SYT16: variants seen among roughly 807,000 people sequenced by gnomAD.
SYT16 encodes the protein synaptotagmin-16.
SYT16 carries 42 observed loss-of-function variants against 61.4 expected under a neutral mutation model. That is an observed-to-expected ratio of 0.68 (90% confidence interval 0.53 to 0.89). The LOEUF (loss-of-function observed/expected upper bound fraction) is 0.89. SYT16 is among the 40% of genes least tolerant of loss of function. The pLI is 0.00. For synonymous variants in SYT16, 314 were observed against 302.3 expected, an observed-to-expected ratio of 1.04 and a Z score of -0.40; for missense variants, 804 against 807.3, an observed-to-expected ratio of 1.00 and a Z score of 0.05.
At chr14:62,096,885 G>A (rs2057291522) in intron 7 of SYT16, among the ~76,000 whole-genome samples, 1 of 152,000 alleles carries the variant, frequency 6.6e-6, no homozygotes, top group African/African-American at 2.4e-5. Flanking sequence ...CAGTTTGTGT[G>A]ATTTTTTTAT....
At chr14:61,968,696 A>G (rs974183396) in intron 1 of SYT16, among the ~76,000 whole-genome samples, 2 of 152,166 alleles carry the variant, frequency 1.3e-5, no homozygotes, top group African/African-American at 4.8e-5. Context: ...TTCTCCTTTT[A>G]TAGTTTAGCA....
At chr14:61,876,130 C>T (rs1454013474) in intron 1 of SYT16, among the ~76,000 whole-genome samples, 1 of 152,126 alleles carries the variant, frequency 6.6e-6, no homozygotes, top group East Asian at 1.9e-4. Context: ...ATATTTATTT[C>T]AATAGGGCAT....
chr14:61,913,733 T>TGTGTGTGTGTGTGTGA, intron 1 of SYT16, among the ~76,000 whole-genome samples: 1 of 151,650 alleles, frequency 6.6e-6, no homozygotes, highest in East Asian at 1.9e-4. Context: ...TGTGTGTGTG[T>TGTGTGTGTGTGTGTGA]GAAATAAAAC....
intron 3 of SYT16, among the ~76,000 whole-genome samples, chr14:62,034,330 AC>A (rs2054422756): frequency 6.6e-6 from 1 of 152,180 alleles, no homozygotes; most frequent in African/African-American, 2.4e-5. Context: ...TTACCATAGA[AC>A]CCAGCAGTGC....
intron 1 of SYT16, among the ~76,000 whole-genome samples, chr14:61,846,028 C>T (rs2046437857): frequency 6.6e-6 from 1 of 152,114 alleles, no homozygotes. Context: ...AGAGAAGATG[C>T]TTGATATTAT....
intron 1 of SYT16, among the ~76,000 whole-genome samples, chr14:61,923,099 T>C (rs1218570289): frequency 6.6e-6 from 1 of 152,028 alleles, no homozygotes; most frequent in Non-Finnish European, 1.5e-5. Context: ...CTATTCTTTC[T>C]GCTCATTATG....
Position 62,080,932 on chromosome 14 carries a change from C to G in SYT16, c.1092C>G (p.Ser364Arg). 1 of 1,610,216 alleles carries G rather than the reference C, an allele frequency of 6.2e-7. No individual in the cohort carries two copies. The highest frequency in any genetic ancestry group is 8.5e-7 in the Non-Finnish European group (1 of 1,178,234). Reference protein sequence around the residue: ...LDVIFEYRAASQKLTVTIVRA... With the variant: ...LDVIFEYRAARQKLTVTIVRA... ...TCATCTTTGAATATAGAGCCGCCAG[C>G]CAGAAGCTCACAGTGACCATTGTGA... Residue 364 changes from serine to arginine, a missense_variant, in exon 6 of 8, where the codon AGC becomes AGG. Transcript: ENST00000683842.
At chr14:61,877,838 G>A (rs567594008) in intron 1 of SYT16, among the ~76,000 whole-genome samples, 1 of 152,314 alleles carries the variant, frequency 6.6e-6, no homozygotes, top group African/African-American at 2.4e-5. Context: ...GTAGTTGGGT[G>A]GAAACATGCT....
At chr14:61,823,294 T>C (rs2045671462) in intron 1 of SYT16, among the ~76,000 whole-genome samples, 1 of 152,030 alleles carries the variant, frequency 6.6e-6, no homozygotes, top group African/African-American at 2.4e-5. Flanking sequence ...CCTGGCCTAT[T>C]TTTTTATTTT....
chr14:62,058,570 G>C (rs1057483418), intron 3 of SYT16, among the ~76,000 whole-genome samples: 3 of 151,932 alleles, frequency 2.0e-5, no homozygotes, highest in African/African-American at 7.3e-5. Context: ...TCACCATGCT[G>C]GCCAGGCTGG....
intron 1 of SYT16, among the ~76,000 whole-genome samples, chr14:61,881,941 A>C (rs2047714980): frequency 6.6e-6 from 1 of 152,150 alleles, no homozygotes; most frequent in South Asian, 2.1e-4. Flanking sequence ...ATGATTTCTG[A>C]CCATGCTACT....
chr14:61,916,330 A>G (rs566617313), intron 1 of SYT16, among the ~76,000 whole-genome samples: 1 of 152,278 alleles, frequency 6.6e-6, no homozygotes, highest in South Asian at 2.1e-4. Context: ...CTAGGTGAAG[A>G]AAATAAATTT....
chr14:61,884,693 A>T (rs1204846086), intron 1 of SYT16, among the ~76,000 whole-genome samples: 2 of 152,212 alleles, frequency 1.3e-5, no homozygotes, highest in African/African-American at 4.8e-5. Flanking sequence ...GACAAGATTA[A>T]TAGGTGGGTT....
chr14:61,929,438 G>T (rs1211413776), intron 1 of SYT16, among the ~76,000 whole-genome samples: 2 of 152,236 alleles, frequency 1.3e-5, no homozygotes, highest in African/African-American at 4.8e-5. Context: ...TTCACAAAAA[G>T]ATGTGCAAGG....
At chr14:61,888,125 C>CTT (rs756842240) in intron 1 of SYT16, among the ~76,000 whole-genome samples, 14 of 134,192 alleles carry the variant, frequency 1.0e-4, no homozygotes, top group Non-Finnish European at 9.6e-5. Flanking sequence ...CTTTTCTTTT[C>CTT]TTTTTTTTTT....
chr14:62,011,902 C>CACACACAT (rs2053472881), intron 3 of SYT16, among the ~76,000 whole-genome samples: 1 of 120,414 alleles, frequency 8.3e-6, no homozygotes, highest in Admixed American at 8.6e-5. Flanking sequence ...CACACACACA[C>CACACACAT]ACATATATAT....
intron 1 of SYT16, among the ~76,000 whole-genome samples, chr14:61,878,360 G>A (rs2047575242): frequency 6.6e-6 from 1 of 152,170 alleles, no homozygotes; most frequent in Non-Finnish European, 1.5e-5. Context: ...GGTTGATCCG[G>A]AAATCTCAAT....
Position 62,098,362 on chromosome 14 carries a change from A to C in SYT16, c.1625-2032A>C, listed in dbSNP as rs2057332628. On this transcript the variant is annotated intron_variant, in intron 7 of 7. Coordinates refer to ENST00000683842, the MANE Select transcript of SYT16 (RefSeq NM_001367656.1). The stretch of plus-strand genomic sequence containing the variant: ...GAATAATGTGTGCATGTTAGTAGTA[A>C]AAGTTGCAGATAAAGGTCAAGACAT... Among the ~76,000 whole-genome samples, 4 of 152,372 alleles carry C rather than the reference A, an allele frequency of 2.6e-5. No individual in the cohort carries two copies. The South Asian group carries it at 8.3e-4, about 32-fold the overall frequency.
intron 1 of SYT16, among the ~76,000 whole-genome samples, chr14:61,905,367 AT>A (rs1441926074): frequency 6.6e-6 from 1 of 152,270 alleles, no homozygotes; most frequent in Non-Finnish European, 1.5e-5. Flanking sequence ...TGCAAAAGTA[AT>A]TGCGGGTTTT....
Sources: allele counts gnomAD v4.1 joint callset (sites outside exome capture counted in the v4.1 genomes callset), GRCh38; gene constraint gnomAD v4.1.1; transcripts MANE v1.5; gene names NCBI Gene and HGNC (gene_info 2026-07-23, HGNC 2026-07-21).